ASTN2: variants seen among roughly 807,000 people sequenced by gnomAD.
ASTN2 encodes the protein astrotactin 2.
In ASTN2, 54 loss-of-function variants were observed where a neutral mutation model predicts 139.8. That is an observed-to-expected ratio of 0.39 (90% CI 0.31 to 0.48). The LOEUF (loss-of-function observed/expected upper bound fraction) is 0.48, where lower values mean the gene tolerates loss of function less well. Ranked by LOEUF, ASTN2 falls within the 20% of genes least tolerant of loss-of-function variation. The probability of loss-of-function intolerance (pLI) is 0.95; values close to 1 mark genes in which losing one functional copy is unlikely to be tolerated. For missense variants in ASTN2, 1,565 were observed against 1,725.1 expected (o/e 0.91, Z 1.64); for synonymous variants, 756 against 719.5 (o/e 1.05, Z -0.81).
At chr9:116,568,639 GACACTC>G (rs1266005361) in intron 19 of ASTN2, 14 of 152,444 alleles carry the variant, frequency 9.2e-5, no homozygotes, top group African/African-American at 3.4e-4. Context: ...TCTTTGTTGG[GACACTC>G]CAGGCCAGTT....
intron 7 of ASTN2, among the ~76,000 whole-genome samples, chr9:116,999,942 T>TA (rs956231821): frequency 1.3e-5 from 2 of 152,188 alleles, no homozygotes; most frequent in Non-Finnish European, 2.9e-5. Context: ...TAGCTTACTC[T>TA]AAATTCCTCC....
At position 116,578,492 on chromosome 9, in the gene ASTN2, A is replaced by G. The variant is rs567974351; in HGVS notation, c.3355+39832T>C. On this transcript the variant is annotated intron_variant, in intron 19 of 22. Transcript: ENST00000313400. Reference sequence around the variant, plus strand: ...CTTATAATAATCACTAGATATTATGAGAATTATAATCCTCATTTTGAAATT... The same window carrying G: ...CTTATAATAATCACTAGATATTATGGGAATTATAATCCTCATTTTGAAATT... Among the ~76,000 whole-genome samples, 5 of 152,260 alleles carry G rather than the reference A, an allele frequency of 3.3e-5. No homozygotes were observed. In the South Asian group the frequency reaches 1.0e-3, roughly 32 times the overall value.
intron 2 of ASTN2, among the ~76,000 whole-genome samples, chr9:117,238,897 G>A (rs1833125993): frequency 6.6e-6 from 1 of 152,106 alleles, no homozygotes; most frequent in Admixed American, 6.6e-5. Context: ...AGCAAAAATG[G>A]GTGGAGGGAA....
At chr9:116,496,296 T>A (rs879298747) in intron 19 of ASTN2, among the ~76,000 whole-genome samples, 1 of 152,204 alleles carries the variant, frequency 6.6e-6, no homozygotes, top group Non-Finnish European at 1.5e-5. Context: ...AGTGAGTGAA[T>A]GTATCTGTTG....
At chr9:116,527,570 G>A (rs1267864624) in intron 19 of ASTN2, among the ~76,000 whole-genome samples, 1 of 152,162 alleles carries the variant, frequency 6.6e-6, no homozygotes, top group Non-Finnish European at 1.5e-5. Flanking sequence ...ACTATTTATG[G>A]GGATGGAAAG....
At position 117,196,834 on chromosome 9, in the gene ASTN2, TA is replaced by T. The variant is rs548983339; in HGVS notation, c.1015+17523del. ...AGATAAAGACCAGAAGCACCCACTA[TA>T]ATATAAGAACAGTCAGTTTGATGGG... is the stretch of plus-strand genomic sequence containing the variant. On this transcript the variant is annotated intron_variant, in intron 3 of 22. Coordinates refer to ENST00000313400, the MANE Select transcript of ASTN2 (RefSeq NM_001365068.1). 9.8e-3 allele frequency among the ~76,000 whole-genome samples: 1,496 copies of T among 152,262 alleles called. 30 individuals are homozygous for T. Among genetic ancestry groups the T allele is most frequent in the African/African-American group, 0.035 (1,433 of 41,528 alleles).
intron 13 of ASTN2, among the ~76,000 whole-genome samples, chr9:116,800,112 T>A (rs1282222632): frequency 2.0e-5 from 3 of 152,118 alleles, no homozygotes; most frequent in African/African-American, 7.2e-5. Context: ...ATGAACTGTG[T>A]CCTTCTTTCT....
rs565740421 is a variant in ASTN2, at chr9:116,838,722, C to T, written c.2041-17939G>A. 5.9e-5 allele frequency among the ~76,000 whole-genome samples: 9 copies of T among 152,114 alleles called. No individual in the cohort carries two copies. The South Asian group carries it at 1.7e-3, about 28-fold the overall frequency. ...TTATGATTACAGGCGTGAGCCACTG[C>T]GCCCTGCCTGGGCTGTGGTCTTTAA... On this transcript the variant is annotated intron_variant, in intron 11 of 22. Transcript: ENST00000313400.
chr9:116,680,344 T>G, intron 16 of ASTN2, among the ~76,000 whole-genome samples: 1 of 152,200 alleles, frequency 6.6e-6, no homozygotes, highest in Non-Finnish European at 1.5e-5. Context: ...AATCTCTGAA[T>G]AGACCAATAA....
At position 116,805,659 on chromosome 9, in the gene ASTN2, T is replaced by C. The variant is rs1394262022; in HGVS notation, c.2369A>G (p.Gln790Arg). The change falls in exon 13 of 23, where the codon CAA (glutamine) becomes CGA (arginine). Residue 790 changes from glutamine (Q) to arginine (R), a missense_variant. This residue lies in a region of ASTN2 where 503 missense variants were observed against 591.7 expected (regional missense o/e 0.85). Transcript: ENST00000313400. ...GYNNRTQHVN[Q>R]GQVFQMTFRE... ...AAAGGTCATCTGGAAGACTTGGCCT[T>C]GGTTCACATGCTGGGTCCGGTTGTT... 1.2e-6 allele frequency: 2 copies of C among 1,613,892 alleles called. No individual in the cohort carries two copies. Among genetic ancestry groups the C allele is most frequent in the Admixed American group, 3.3e-5 (2 of 60,010 alleles).
At chr9:117,156,038 T>C (rs371194761) in intron 3 of ASTN2, among the ~76,000 whole-genome samples, 5 of 152,068 alleles carry the variant, frequency 3.3e-5, no homozygotes, top group Non-Finnish European at 4.4e-5. Context: ...ACATGGAAGA[T>C]TGTAATGGTA....
At chr9:116,780,715 T>G (rs6478250) in intron 13 of ASTN2, among the ~76,000 whole-genome samples, 150,048 of 152,176 alleles carry the variant, frequency 0.99, 74,003 homozygotes, top group East Asian at 1. Context: ...CATTTCCATT[T>G]CCCCCTACAC....
chr9:116,636,493 G>A (rs1481678601), intron 17 of ASTN2, among the ~76,000 whole-genome samples: 1 of 152,064 alleles, frequency 6.6e-6, no homozygotes, highest in Non-Finnish European at 1.5e-5. Context: ...TGGCCAACAT[G>A]GTGAAACCCC....
At chr9:116,837,093 T>G (rs1832023519) in intron 11 of ASTN2, among the ~76,000 whole-genome samples, 1 of 152,164 alleles carries the variant, frequency 6.6e-6, no homozygotes. Context: ...TGTTTGCTAC[T>G]TTGAAGAGAT....
At chr9:117,167,916 C>A (rs1418097583) in intron 3 of ASTN2, among the ~76,000 whole-genome samples, 1 of 151,924 alleles carries the variant, frequency 6.6e-6, no homozygotes, top group Non-Finnish European at 1.5e-5. Context: ...TGTTTTATAG[C>A]CATGGAGGTG....
intron 3 of ASTN2, among the ~76,000 whole-genome samples, chr9:117,169,425 G>T (rs1344598158): frequency 1.8e-4 from 27 of 152,144 alleles, no homozygotes; most frequent in Admixed American, 1.4e-3. Context: ...TTTATTTATA[G>T]TGACTCTCTG....
At chr9:117,059,283 A>C (rs115792960) in intron 5 of ASTN2, among the ~76,000 whole-genome samples, 2,088 of 152,338 alleles carry the variant, frequency 0.014, 51 homozygotes, top group African/African-American at 0.048. Flanking sequence ...GAATGTCTTC[A>C]ACAGGTCATC....
intron 11 of ASTN2, among the ~76,000 whole-genome samples, chr9:116,830,818 A>G (rs1026063723): frequency 2.4e-4 from 37 of 151,792 alleles, no homozygotes; most frequent in Non-Finnish European, 4.6e-4. Context: ...AGAAGAAGAA[A>G]AAAAGAAAGA....
At chr9:116,556,653 G>A (rs893032206) in intron 19 of ASTN2, among the ~76,000 whole-genome samples, 3 of 152,244 alleles carry the variant, frequency 2.0e-5, no homozygotes, top group African/African-American at 7.2e-5. Flanking sequence ...TCAATTTGAC[G>A]ATGACCAATA....
Sources: allele counts gnomAD v4.1 joint callset (sites outside exome capture counted in the v4.1 genomes callset), GRCh38; gene constraint gnomAD v4.1.1; regional missense constraint gnomAD v4.1.1; transcripts MANE v1.5; gene names NCBI Gene and HGNC (gene_info 2026-07-23, HGNC 2026-07-21).